SHC4: variants seen among roughly 807,000 people sequenced by gnomAD.
SHC4 encodes the protein SHC-transforming protein 4.
A neutral mutation model predicts 69.4 loss-of-function variants in SHC4; 41 were observed. The ratio of observed to expected loss-of-function variants is 0.59; its 90% CI spans 0.46 to 0.77. The LOEUF is 0.77. SHC4 is among the 30% of genes least tolerant of loss of function. SHC4 has a pLI of 0.00. For missense variants in SHC4, 777 were observed against 783.8 expected, an observed-to-expected ratio of 0.99 and a Z score of 0.10; for synonymous variants, 318 against 299.3, an observed-to-expected ratio of 1.06 and a Z score of -0.64.
chr15:48,940,944 A>G (rs1190608852), intron 1 of SHC4, among the ~76,000 whole-genome samples: 2 of 152,212 alleles, frequency 1.3e-5, no homozygotes, highest in Non-Finnish European at 2.9e-5. Context: ...ATCATTTCTC[A>G]TTATACTTCT....
intron 8 of SHC4, 130 bp from the exon 9 acceptor site, chr15:48,851,378 G>T: frequency 3.6e-6 from 3 of 839,308 alleles, no homozygotes; most frequent in Non-Finnish European, 5.6e-6. Flanking sequence ...TGTTTGACAG[G>T]TAAGAAAAGA....
At chr15:48,897,958 AACGT>A (rs1183183142) in intron 2 of SHC4, among the ~76,000 whole-genome samples, 1 of 152,178 alleles carries the variant, frequency 6.6e-6, no homozygotes, top group Non-Finnish European at 1.5e-5. Flanking sequence ...TTGCATCTCC[AACGT>A]AAGTCCTTAA....
At chr15:48,945,279 T>C (rs17469978) in intron 1 of SHC4, among the ~76,000 whole-genome samples, 31,455 of 151,882 alleles carry the variant, frequency 0.21, 4,277 homozygotes, top group Middle Eastern at 0.48. Context: ...CAACCAACCA[T>C]TGCATTCCAT....
intron 1 of SHC4, among the ~76,000 whole-genome samples, chr15:48,939,811 T>C (rs1901141629): frequency 1.3e-5 from 2 of 152,266 alleles, no homozygotes; most frequent in Non-Finnish European, 2.9e-5. Flanking sequence ...GGAAGAGCAG[T>C]GACTCACAGA....
chr15:48,867,912 G>T, intron 5 of SHC4, 43 bp from the exon 6 acceptor site: 2 of 1,501,074 alleles, frequency 1.3e-6, no homozygotes, highest in Non-Finnish European at 9.2e-7. Context: ...TGGATGAACT[G>T]TACTGTTGAA....
At chr15:48,935,637 C>T (rs1901055365) in intron 1 of SHC4, among the ~76,000 whole-genome samples, 3 of 152,064 alleles carry the variant, frequency 2.0e-5, no homozygotes, top group Admixed American at 2.0e-4. Context: ...GAATGTGGGT[C>T]GTGTAAGAAG....
chr15:48,958,098 G>C (rs566430120), intron 1 of SHC4, among the ~76,000 whole-genome samples: 6 of 152,338 alleles, frequency 3.9e-5, no homozygotes, highest in Non-Finnish European at 7.3e-5. Flanking sequence ...AGTAAGCCAC[G>C]CAGTTTGTGG....
intron 4 of SHC4, chr15:48,879,822 G>A (rs1899905478): frequency 1.2e-5 from 2 of 167,032 alleles, no homozygotes; most frequent in Admixed American, 6.5e-5. Flanking sequence ...TTGGCTAATA[G>A]TATTGCATAC....
intron 2 of SHC4, among the ~76,000 whole-genome samples, chr15:48,914,395 G>C (rs182575110): frequency 1.4e-4 from 21 of 152,306 alleles, no homozygotes; most frequent in Non-Finnish European, 2.1e-4. Context: ...TTCTTTAAAA[G>C]GGGAAATTAC....
chr15:48,853,668 AC>A (rs1301584974), intron 8 of SHC4, among the ~76,000 whole-genome samples: 3 of 152,158 alleles, frequency 2.0e-5, no homozygotes, highest in African/African-American at 4.8e-5. Context: ...AGAATAGAGA[AC>A]CCAGAAATAA....
At chr15:48,935,681 C>G (rs146534521) in intron 1 of SHC4, among the ~76,000 whole-genome samples, 1 of 152,154 alleles carries the variant, frequency 6.6e-6, no homozygotes, top group African/African-American at 2.4e-5. Context: ...TAGTGTAACA[C>G]CAATCAAATG....
chr15:48,946,702 C>T (rs961483194), intron 1 of SHC4: 1 of 487,850 alleles, frequency 2.0e-6, no homozygotes, highest in South Asian at 8.9e-5. Context: ...GCATTTGGAA[C>T]ATTCTCTCCC....
intron 8 of SHC4, among the ~76,000 whole-genome samples, chr15:48,853,174 TA>T (rs1380937006): frequency 2.0e-5 from 3 of 152,010 alleles, no homozygotes; most frequent in Non-Finnish European, 4.4e-5. Context: ...AGCATTTCTA[TA>T]AACCAGTAAC....
intron 2 of SHC4, among the ~76,000 whole-genome samples, chr15:48,903,633 C>T (rs527601018): frequency 6.6e-6 from 1 of 152,322 alleles, no homozygotes; most frequent in East Asian, 1.9e-4. Context: ...GCTTCCCTTG[C>T]ACATGCAGGC....
At chr15:48,923,561 CAAAAAAG>C (rs1477258091) in intron 2 of SHC4, among the ~76,000 whole-genome samples, 6 of 104,036 alleles carry the variant, frequency 5.8e-5, no homozygotes, top group African/African-American at 2.0e-4. Context: ...AAAAAAAAAA[CAAAAAAG>C]AAAAAAGAAA....
At chr15:48,860,023 C>A (rs1370286841) in intron 6 of SHC4, among the ~76,000 whole-genome samples, 2 of 151,754 alleles carry the variant, frequency 1.3e-5, no homozygotes, top group African/African-American at 4.8e-5. Context: ...CCAGCCTAGG[C>A]AACATAGCAA....
intron 2 of SHC4, among the ~76,000 whole-genome samples, chr15:48,913,768 A>G (rs1900558181): frequency 6.6e-6 from 1 of 152,164 alleles, no homozygotes; most frequent in Non-Finnish European, 1.5e-5. Context: ...GCGAGCTCCC[A>G]GGGCCTTTCT....
At chr15:48,947,368 A>G (rs1159104921) in intron 1 of SHC4, 1 of 152,216 alleles carries the variant, frequency 6.6e-6, no homozygotes, top group Non-Finnish European at 1.5e-5. Flanking sequence ...AAGAGAGAAA[A>G]AAACACACAC....
intron 4 of SHC4, chr15:48,878,829 A>G: frequency 7.5e-7 from 1 of 1,331,640 alleles, no homozygotes; most frequent in East Asian, 2.5e-5. Flanking sequence ...GTTTTGTGCC[A>G]TTGAAAAACT....
Sources: gnomAD v4.1 joint callset for allele counts (sites outside exome capture counted in the v4.1 genomes callset) on GRCh38, gnomAD v4.1.1 for gene constraint, MANE v1.5 for transcripts, NCBI Gene and HGNC (gene_info 2026-07-23, HGNC 2026-07-21) for gene names.